KLHL3: variants seen among roughly 807,000 people sequenced by gnomAD.
KLHL3 encodes kelch-like protein 3.
KLHL3 carries 19 observed loss-of-function variants against 70.5 expected under a neutral mutation model. The ratio of observed to expected loss-of-function variants is 0.27; its 90% CI spans 0.19 to 0.40. The LOEUF (loss-of-function observed/expected upper bound fraction) is 0.40, where lower values mean the gene tolerates loss of function less well. Ranked by LOEUF, KLHL3 falls within the 10% of genes least tolerant of loss-of-function variation. KLHL3 has a pLI of 1.00. For missense variants in KLHL3, 512 were observed against 771.1 expected, an observed-to-expected ratio of 0.66 and a Z score of 3.98; for synonymous variants, 258 against 290.3, an observed-to-expected ratio of 0.89 and a Z score of 1.13.
At chr5:137,641,480 G>A (rs936165405) in intron 8 of KLHL3, among the ~76,000 whole-genome samples, 12 of 152,216 alleles carry the variant, frequency 7.9e-5, no homozygotes, top group Admixed American at 6.5e-4. Flanking sequence ...TCCATGCTCT[G>A]TATGGATTTC....
At chr5:137,697,584 T>C (rs897431625) in intron 4 of KLHL3, among the ~76,000 whole-genome samples, 1 of 152,186 alleles carries the variant, frequency 6.6e-6, no homozygotes, top group African/African-American at 2.4e-5. Context: ...GGTGAATGCA[T>C]CCACATGCTG....
chr5:137,673,555 G>C (rs1446457949), intron 6 of KLHL3: 4 of 152,116 alleles, frequency 2.6e-5, no homozygotes, highest in African/African-American at 9.7e-5. Context: ...AGCAAAAATG[G>C]CAAGGATTCA....
chr5:137,656,199 T>C (rs1751341048), intron 8 of KLHL3, among the ~76,000 whole-genome samples: 1 of 138,920 alleles, frequency 7.2e-6, no homozygotes, highest in African/African-American at 2.9e-5. Context: ...GACACAGAAA[T>C]GTTTACATTA....
At chr5:137,644,060 T>A (rs530289058) in intron 8 of KLHL3, among the ~76,000 whole-genome samples, 1 of 152,210 alleles carries the variant, frequency 6.6e-6, no homozygotes, top group East Asian at 1.9e-4. Flanking sequence ...AATGACAGGA[T>A]TTCACCTTTT....
chr5:137,628,714 C>T (rs202113396), intron 12 of KLHL3: 79 of 108,782 alleles, frequency 7.3e-4, no homozygotes, highest in East Asian at 3.6e-3. Flanking sequence ...TATATATATA[C>T]ACACACACAG....
At chr5:137,663,383 A>G (rs1450348811) in intron 6 of KLHL3, among the ~76,000 whole-genome samples, 1 of 151,986 alleles carries the variant, frequency 6.6e-6, no homozygotes, top group Non-Finnish European at 1.5e-5. Context: ...ATGACCACCC[A>G]CAGATACCAA....
At chr5:137,721,605 G>C (rs1752998858) in intron 1 of KLHL3, among the ~76,000 whole-genome samples, 1 of 152,206 alleles carries the variant, frequency 6.6e-6, no homozygotes, top group African/African-American at 2.4e-5. Context: ...TGAGTAAGTA[G>C]AAACTAGCAA....
At chr5:137,635,932 A>C (rs1750756856) in intron 11 of KLHL3, among the ~76,000 whole-genome samples, 1 of 152,180 alleles carries the variant, frequency 6.6e-6, no homozygotes, top group Admixed American at 6.5e-5. Context: ...CAGCTGAAAA[A>C]ATATGCACTC....
chr5:137,653,881 G>A (rs1342595824), intron 8 of KLHL3, among the ~76,000 whole-genome samples: 1 of 152,178 alleles, frequency 6.6e-6, no homozygotes, highest in African/African-American at 2.4e-5. Context: ...ATAAACTATG[G>A]TCCATCCATA....
intron 5 of KLHL3, among the ~76,000 whole-genome samples, chr5:137,679,474 T>C (rs1250408505): frequency 6.6e-6 from 1 of 152,054 alleles, no homozygotes; most frequent in African/African-American, 2.4e-5. Context: ...ACCAAAAAGC[T>C]GACAGCCGGA....
At chr5:137,642,369 T>C (rs893207940) in intron 8 of KLHL3, among the ~76,000 whole-genome samples, 1 of 152,234 alleles carries the variant, frequency 6.6e-6, no homozygotes, top group Admixed American at 6.5e-5. Flanking sequence ...TTAAATGTTA[T>C]TTCCTACAAA....
At position 137,637,246 on chromosome 5, in the gene KLHL3, GCCCGTGGGC is replaced by G. The variant is rs1437684526; in HGVS notation, c.1321+39_1321+47del. The G allele has an allele frequency of 2.0e-6, 3 of 1,494,422 alleles. No homozygotes were observed. In the South Asian group the frequency reaches 3.4e-5, roughly 17 times the overall value. The allele number at this position is 1,494,422 out of a possible 1,614,324, so 92.6% of individuals were successfully genotyped here. A position where few individuals can be genotyped will look rare whatever the true frequency, so the allele number is the denominator to read the frequency against. Reference sequence around the variant, plus strand: ...AGCATGATGCTGGACCCAGGACAAGGCCCGTGGGCCAGGTAGGCCTGGCCACTGGCCACT... The same window carrying G: ...AGCATGATGCTGGACCCAGGACAAGGCAGGTAGGCCTGGCCACTGGCCACT... On this transcript the variant is annotated intron_variant, in intron 11 of 14. Transcript: ENST00000309755.
chr5:137,733,760 T>C (rs937014285), intron 1 of KLHL3, among the ~76,000 whole-genome samples: 2 of 152,078 alleles, frequency 1.3e-5, no homozygotes, highest in Non-Finnish European at 2.9e-5. Flanking sequence ...GAGTAATGTA[T>C]AGGATGGGTG....
intron 1 of KLHL3, among the ~76,000 whole-genome samples, chr5:137,728,327 G>A (rs1753117468): frequency 6.6e-6 from 1 of 152,182 alleles, no homozygotes; most frequent in Admixed American, 6.5e-5. Flanking sequence ...TCACATGACA[G>A]GTGCTCAATG....
At position 137,637,259 on chromosome 5, in the gene KLHL3, GTAGGCCTGGCCACTGGCCACTGC is replaced by G. The variant is rs756733355; in HGVS notation, c.1321+12_1321+34del. On this transcript the variant is annotated intron_variant, in intron 11 of 14. Coordinates refer to ENST00000309755, the MANE Select transcript of KLHL3 (RefSeq NM_017415.3). ...ACCCAGGACAAGGCCCGTGGGCCAGGTAGGCCTGGCCACTGGCCACTGCCGCCTCCTTACCCTCCACAACGCCC... is the reference window on the plus strand; with the variant it reads ...ACCCAGGACAAGGCCCGTGGGCCAGGCGCCTCCTTACCCTCCACAACGCCC... 2 of 1,570,610 alleles carry G rather than the reference GTAGGCCTGGCCACTGGCCACTGC, an allele frequency of 1.3e-6. No individual in the cohort carries two copies. The highest frequency in any genetic ancestry group is 2.7e-5 in the African/African-American group (2 of 74,102).
At chr5:137,645,266 C>T (rs1354070136) in intron 8 of KLHL3, among the ~76,000 whole-genome samples, 1 of 152,184 alleles carries the variant, frequency 6.6e-6, no homozygotes, top group Non-Finnish European at 1.5e-5. Flanking sequence ...GACAAGGATG[C>T]CCACTTTCTC....
At chr5:137,703,086 A>C (rs1050475255) in intron 3 of KLHL3, among the ~76,000 whole-genome samples, 1 of 152,214 alleles carries the variant, frequency 6.6e-6, no homozygotes, top group Admixed American at 6.5e-5. Flanking sequence ...TGAGAATGAA[A>C]ATGGAATAGA....
chr5:137,672,012 G>C (rs1370849081), intron 6 of KLHL3: 1 of 152,218 alleles, frequency 6.6e-6, no homozygotes, highest in Non-Finnish European at 1.5e-5. Flanking sequence ...GGTCATGGTA[G>C]ATTTGGGGGC....
intron 12 of KLHL3, among the ~76,000 whole-genome samples, chr5:137,630,201 T>C (rs909255416): frequency 6.6e-5 from 10 of 152,350 alleles, no homozygotes; most frequent in African/African-American, 1.9e-4. Context: ...GCCAGGGCTC[T>C]GACAGTAACC....
Sources: gnomAD v4.1 joint callset for allele counts (sites outside exome capture counted in the v4.1 genomes callset) on GRCh38, gnomAD v4.1.1 for gene constraint, MANE v1.5 for transcripts, NCBI Gene and HGNC (gene_info 2026-07-23, HGNC 2026-07-21) for gene names.